The following ANKAR variants were observed in gnomAD, a reference collection of about 807,000 sequenced individuals.
ANKAR encodes ankyrin and armadillo repeat containing.
A neutral mutation model predicts 146.2 loss-of-function variants in ANKAR; 136 were observed. That is an observed-to-expected ratio of 0.93 (90% CI 0.81 to 1.07). The LOEUF (loss-of-function observed/expected upper bound fraction) is 1.07, where lower values mean the gene tolerates loss of function less well. ANKAR is among the 50% of genes least tolerant of loss of function. The probability of loss-of-function intolerance (pLI) is 0.00; values close to 1 mark genes in which losing one functional copy is unlikely to be tolerated. For synonymous variants in ANKAR, 500 were observed against 575.8 expected, an observed-to-expected ratio of 0.87 and a Z score of 1.88; for missense variants, 1,567 against 1,679.9, an observed-to-expected ratio of 0.93 and a Z score of 1.18.
At chr2:189,747,035 A>ATACC (rs1253601507), downstream of ANKAR, 1 of 154,718 alleles carries the variant, frequency 6.5e-6, no homozygotes, top group African/African-American at 2.4e-5. Flanking sequence ...CCCAAAATGT[A>ATACC]TACCTTAAGA....
chr2:189,744,093 A>T (rs1208464615), intron 21 of ANKAR, among the ~76,000 whole-genome samples: 1 of 152,210 alleles, frequency 6.6e-6, no homozygotes, highest in Non-Finnish European at 1.5e-5. Flanking sequence ...ATATTCATAC[A>T]TAGGAAATAG....
At position 189,752,719 on chromosome 2, in the gene ANKAR, C is replaced by T. The variant is rs1340759044; in HGVS notation, c.*584+7931C>T. The T allele has an allele frequency of 9.9e-6, 16 of 1,613,876 alleles. No individual in the cohort carries two copies. The highest frequency in any genetic ancestry group is 1.4e-5 in the Non-Finnish European group (16 of 1,179,862). ...CAAGCCAGCACGTAGTCTTTCAATA[C>T]CATTCCTAAATAAGAAGCATTAAAA... On this transcript the variant is annotated intron_variant and NMD_transcript_variant, in intron 18 of 18. Transcript: ENST00000441800.
In ANKAR at chr2:189,695,040, G is replaced by A. The variant is rs530882331; in HGVS notation, c.1367G>A (p.Trp456Ter). 6.2e-7 allele frequency: 1 copy of A among 1,611,634 alleles called. No homozygotes were observed. The highest frequency in any genetic ancestry group is 2.2e-5 in the East Asian group (1 of 44,766). ...TATCAGCAACTATATAAGACACAGT[G>A]GTGGGGAGCCATAAATGAAATAGTG... is the stretch of plus-strand genomic sequence containing the variant. ...TFYQQLYKTQ[W>*]WGAINEIVNN... Residue 456 changes from tryptophan to a stop codon, truncating the protein, a stop_gained, in exon 6 of 23, where the codon TGG becomes TAG. Transcript: ENST00000684021. LOFTEE classifies it high-confidence loss of function.
intron 18 of ANKAR, chr2:189,754,787 A>G: frequency 4.0e-6 from 1 of 248,748 alleles, no homozygotes; most frequent in Non-Finnish European, 7.6e-6. Context: ...TGGTGTAAGT[A>G]ATTGTGTGAT....
intron 18 of ANKAR, chr2:189,754,070 G>T: frequency 6.2e-7 from 1 of 1,612,378 alleles, no homozygotes; most frequent in Non-Finnish European, 8.5e-7. Context: ...AATACCTGCA[G>T]AAATGAGCAG....
At chr2:189,712,569 G>A (rs2039854896) in intron 10 of ANKAR, among the ~76,000 whole-genome samples, 1 of 151,474 alleles carries the variant, frequency 6.6e-6, no homozygotes. Context: ...GAAAGGAATA[G>A]CATCAACATC....
rs11377626 is a variant in ANKAR, at chr2:189,718,745, C to CTTTT, written c.2225-815_2225-812dup. Among the ~76,000 whole-genome samples the CTTTT allele has an allele frequency of 7.2e-5, 10 of 139,176 alleles. 1 individual carries two copies. Among genetic ancestry groups the CTTTT allele is most frequent in the African/African-American group, 2.4e-4 (9 of 37,854 alleles). The allele number at this position is 139,176 out of a possible 152,430, so 91.3% of individuals were successfully genotyped here. On this transcript the variant is annotated intron_variant, in intron 10 of 22. Coordinates refer to ENST00000684021, the MANE Select transcript of ANKAR (RefSeq NM_001378068.1). Reference sequence around the variant, plus strand: ...CACCTGAAGCCAGATTTTCTATTTTCTTTTTTTTTTTTTTTGAGACGGAGT... The same window carrying CTTTT: ...CACCTGAAGCCAGATTTTCTATTTTCTTTTTTTTTTTTTTTTTTTGAGACGGAGT...
chr2:189,718,086 TA>T (rs772745308), intron 10 of ANKAR, among the ~76,000 whole-genome samples: 1 of 7,236 alleles, frequency 1.4e-4, no homozygotes, highest in African/African-American at 2.0e-4. Context: ...TAAAGTATAA[TA>T]AAAAAATAAA....
intron 9 of ANKAR, among the ~76,000 whole-genome samples, chr2:189,708,588 G>A (rs2039276072): frequency 6.6e-6 from 1 of 152,092 alleles, no homozygotes; most frequent in Non-Finnish European, 1.5e-5. Context: ...GCCAAACTGT[G>A]GGCTAATGTA....
chr2:189,676,696 G>A lies in ANKAR; in HGVS notation c.206G>A (p.Cys69Tyr). Residue 69 changes from cysteine to tyrosine, a missense_variant, in exon 2 of 23, where the codon TGT becomes TAT. Cys to Tyr is a radical substitution (Grantham distance 194). Coordinates refer to ENST00000684021, the MANE Select transcript of ANKAR (RefSeq NM_001378068.1). Reference protein sequence around the residue: ...EDVRSQVDLPCGIMSQMNNVG... With the variant: ...EDVRSQVDLPYGIMSQMNNVG... ...GTGCGCTCTCAAGTAGACCTCCCATGTGGAATTATGAGTCAAATGAATAAC... is the reference window on the plus strand; with the variant it reads ...GTGCGCTCTCAAGTAGACCTCCCATATGGAATTATGAGTCAAATGAATAAC... 1 of 1,614,186 alleles carries A rather than the reference G, an allele frequency of 6.2e-7. No individual in the cohort carries two copies. The highest frequency in any genetic ancestry group is 1.6e-4 in the Middle Eastern group (1 of 6,062).
chr2:189,711,491 T>A (rs1325916667), intron 10 of ANKAR, among the ~76,000 whole-genome samples: 1 of 152,226 alleles, frequency 6.6e-6, no homozygotes, highest in Non-Finnish European at 1.5e-5. Flanking sequence ...ATTTGCACAA[T>A]TTACTTTTGA....
chr2:189,677,186 A>G (rs2033852884), intron 2 of ANKAR, 95 bp downstream of exon 2: 2 of 1,288,246 alleles, frequency 1.6e-6, no homozygotes, highest in African/African-American at 1.5e-5. Flanking sequence ...CCTGAGCTCA[A>G]GCCATTCACC....
chr2:189,698,683 G>A (rs1050655100), intron 7 of ANKAR, among the ~76,000 whole-genome samples: 1 of 152,194 alleles, frequency 6.6e-6, no homozygotes, highest in African/African-American at 2.4e-5. Flanking sequence ...GCCATCTTCC[G>A]TTAGAGGAGG....
At chr2:189,761,644 T>TA, downstream of ANKAR, 4 of 1,572,272 alleles carry the variant, frequency 2.5e-6, no homozygotes, top group Non-Finnish European at 3.4e-6. Flanking sequence ...TTAGCATACT[T>TA]ACTCTATAGA....
At chr2:189,751,242 C>T (rs765767291), downstream of ANKAR, among the ~76,000 whole-genome samples, 7 of 152,100 alleles carry the variant, frequency 4.6e-5, no homozygotes, top group African/African-American at 7.2e-5. Flanking sequence ...TGAATCCCAA[C>T]CTGGAAAAAG....
At chr2:189,722,576 A>T (rs2041410691) in intron 12 of ANKAR, among the ~76,000 whole-genome samples, 1 of 151,896 alleles carries the variant, frequency 6.6e-6, no homozygotes, top group African/African-American at 2.4e-5. Flanking sequence ...TAAATAATAA[A>T]TGAGTTCATG....
intron 15 of ANKAR, among the ~76,000 whole-genome samples, chr2:189,729,290 T>C (rs1175598027): frequency 6.6e-6 from 1 of 152,204 alleles, no homozygotes; most frequent in Non-Finnish European, 1.5e-5. Flanking sequence ...GAACTGTCAG[T>C]TGTGACCCAC....
intron 5 of ANKAR, among the ~76,000 whole-genome samples, chr2:189,694,566 A>G (rs1158064483): frequency 6.6e-6 from 1 of 152,206 alleles, no homozygotes; most frequent in African/African-American, 2.4e-5. Flanking sequence ...TGCAGTGAGT[A>G]AAAGCCAAGG....
chr2:189,758,027 G>C (rs1315611566), intron 18 of ANKAR, among the ~76,000 whole-genome samples: 3 of 152,146 alleles, frequency 2.0e-5, no homozygotes, highest in Non-Finnish European at 4.4e-5. Flanking sequence ...TACATCATGG[G>C]GGCGTATTTT....
Sources: gnomAD v4.1 joint callset for allele counts (sites outside exome capture counted in the v4.1 genomes callset) on GRCh38, gnomAD v4.1.1 for gene constraint, MANE v1.5 for transcripts, NCBI Gene and HGNC (gene_info 2026-07-23, HGNC 2026-07-21) for gene names.